WDR45B: variants seen among roughly 807,000 people sequenced by gnomAD.
The protein encoded by WDR45B is WD repeat domain phosphoinositide-interacting protein 3.
A neutral mutation model predicts 44.6 loss-of-function variants in WDR45B; 20 were observed. The ratio of observed to expected loss-of-function variants is 0.45; its 90% confidence interval spans 0.32 to 0.65. WDR45B has a LOEUF of 0.65. Ranked by LOEUF, WDR45B falls within the 30% of genes least tolerant of loss-of-function variation. WDR45B has a pLI of 0.05. For missense variants in WDR45B, 323 were observed against 430.2 expected, an observed-to-expected ratio of 0.75 and a Z score of 2.20; for synonymous variants, 169 against 164.9, an observed-to-expected ratio of 1.02 and a Z score of -0.19.
At chr17:82,638,739 C>T (rs2045871494) in intron 2 of WDR45B, among the ~76,000 whole-genome samples, 1 of 151,904 alleles carries the variant, frequency 6.6e-6, no homozygotes, top group Admixed American at 6.6e-5. Flanking sequence ...TTAAAGAAAA[C>T]CTTATTTCCC....
intron 1 of WDR45B, among the ~76,000 whole-genome samples, chr17:82,647,627 A>G (rs2143400881): frequency 6.6e-6 from 1 of 152,252 alleles, no homozygotes; most frequent in African/African-American, 2.4e-5. Context: ...TGACTCCACC[A>G]AACACGAAGA....
At chr17:82,647,846 G>A (rs1407559356) in intron 1 of WDR45B, among the ~76,000 whole-genome samples, 3 of 152,016 alleles carry the variant, frequency 2.0e-5, no homozygotes, top group East Asian at 3.9e-4. Context: ...CGGGGTTCTG[G>A]GCAGGGCGTC....
chr17:82,641,075 C>T (rs1207253561), intron 2 of WDR45B, among the ~76,000 whole-genome samples: 2 of 148,120 alleles, frequency 1.4e-5, no homozygotes, highest in African/African-American at 2.5e-5. Context: ...AAGTGATTCT[C>T]GTGCCTCAAC....
intron 2 of WDR45B, among the ~76,000 whole-genome samples, chr17:82,639,533 C>T (rs1310199016): frequency 6.6e-6 from 1 of 151,712 alleles, no homozygotes; most frequent in East Asian, 1.9e-4. Flanking sequence ...CCCGCAGGAA[C>T]CACCTGCTAC....
rs564884429 is a variant in WDR45B, at chr17:82,625,349, G to A, written c.427+40C>T. 5.0e-6 allele frequency: 8 copies of A among 1,587,792 alleles called. No individual in the cohort carries two copies. In the Admixed American group the frequency reaches 6.7e-5, roughly 13 times the overall value. Reference sequence around the variant, plus strand: ...TGCCCAGCACAGGCATCTCCATGTGGACCCATTTCCCATCGCCACCCGTCT... The same window carrying A: ...TGCCCAGCACAGGCATCTCCATGTGAACCCATTTCCCATCGCCACCCGTCT... On this transcript the variant is annotated intron_variant, in intron 5 of 9. Transcript: ENST00000392325.
At chr17:82,635,429 T>G (rs1436160269) in intron 2 of WDR45B, among the ~76,000 whole-genome samples, 12 of 147,990 alleles carry the variant, frequency 8.1e-5, no homozygotes, top group Non-Finnish European at 1.5e-5. Flanking sequence ...TTTTCAGGTT[T>G]TTTTTTTTTT....
At chr17:82,638,270 G>A (rs1598276423) in intron 2 of WDR45B, among the ~76,000 whole-genome samples, 1 of 47,750 alleles carries the variant, frequency 2.1e-5, no homozygotes, top group Admixed American at 1.9e-4. Flanking sequence ...GGGAGGGGAG[G>A]GGGGAGGAGG....
chr17:82,648,042 C>A (rs536499948), intron 1 of WDR45B, among the ~76,000 whole-genome samples: 1 of 146,532 alleles, frequency 6.8e-6, no homozygotes, highest in East Asian at 2.0e-4. Context: ...GGTGGGGGAG[C>A]GCGAAAGGCC....
chr17:82,629,853 C>G, intron 3 of WDR45B: 1 of 985,340 alleles, frequency 1.0e-6, no homozygotes, highest in South Asian at 4.7e-5. Context: ...GTGATATCAC[C>G]CAGATCCTAG....
chr17:82,641,625 G>A (rs1054121589), intron 2 of WDR45B, among the ~76,000 whole-genome samples: 4 of 152,128 alleles, frequency 2.6e-5, no homozygotes, highest in Non-Finnish European at 4.4e-5. Flanking sequence ...GCCGGGGTGC[G>A]GTGGCTCATG....
At chr17:82,633,951 C>A (rs1192706874) in intron 2 of WDR45B, among the ~76,000 whole-genome samples, 1 of 151,274 alleles carries the variant, frequency 6.6e-6, no homozygotes. Context: ...GAGTTTGAAA[C>A]CAGCTTGGCC....
chr17:82,642,380 AG>A (rs2045928991), intron 2 of WDR45B, among the ~76,000 whole-genome samples: 1 of 152,202 alleles, frequency 6.6e-6, no homozygotes, highest in Non-Finnish European at 1.5e-5. Context: ...GAGTGGGAAC[AG>A]TTTCATCCCG....
chr17:82,619,571 A>AT (rs1255425877), intron 6 of WDR45B, among the ~76,000 whole-genome samples: 9 of 151,894 alleles, frequency 5.9e-5, no homozygotes, highest in Non-Finnish European at 7.4e-5. Flanking sequence ...CAAAAAAAAA[A>AT]AAATAAAAGG....
intron 1 of WDR45B, among the ~76,000 whole-genome samples, chr17:82,644,874 T>C (rs116955162): frequency 0.011 from 1,653 of 152,298 alleles, 17 homozygotes; most frequent in Non-Finnish European, 0.019. Flanking sequence ...AAAACTCCCA[T>C]TTGAGGCCGG....
chr17:82,637,034 T>C (rs1183322845), intron 2 of WDR45B, among the ~76,000 whole-genome samples: 1 of 152,054 alleles, frequency 6.6e-6, no homozygotes, highest in Non-Finnish European at 1.5e-5. Context: ...CTCTGTGCTC[T>C]TGCCATCTTG....
Position 82,628,518 on chromosome 17 carries a change from G to A in WDR45B, c.245-1227C>T, listed in dbSNP as rs1050828742. On this transcript the variant is annotated intron_variant, in intron 3 of 9. Coordinates refer to ENST00000392325, the MANE Select transcript of WDR45B (RefSeq NM_019613.4). ...CTTTGGGAGGCTGGGGTGTGAGATC[G>A]CTTGAGGCCAAGAGTTCAAGACCAG... 5.3e-5 allele frequency among the ~76,000 whole-genome samples: 8 copies of A among 151,964 alleles called. No homozygotes were observed. In the Middle Eastern group the frequency reaches 0.01, roughly 194 times the overall value.
chr17:82,634,011 C>A (rs577136987), intron 2 of WDR45B, among the ~76,000 whole-genome samples: 2 of 151,276 alleles, frequency 1.3e-5, no homozygotes. Context: ...ATTAGCCAGG[C>A]GTGGTGGCAG....
chr17:82,619,498 A>T (rs948428599), intron 6 of WDR45B, among the ~76,000 whole-genome samples: 19 of 151,882 alleles, frequency 1.3e-4, no homozygotes, highest in Non-Finnish European at 1.2e-4. Context: ...CACTGTCCGA[A>T]TCCTAAGTCC....
intron 2 of WDR45B, among the ~76,000 whole-genome samples, chr17:82,634,575 C>T (rs370935705): frequency 6.6e-6 from 1 of 151,934 alleles, no homozygotes; most frequent in Non-Finnish European, 1.5e-5. Context: ...AAGGCAGGGT[C>T]TGGAAGAGAT....
Sources: gnomAD v4.1 joint callset for allele counts (sites outside exome capture counted in the v4.1 genomes callset) on GRCh38, gnomAD v4.1.1 for gene constraint, MANE v1.5 for transcripts, NCBI Gene and HGNC (gene_info 2026-07-23, HGNC 2026-07-21) for gene names.